The following ZBTB20 variants were observed in gnomAD, a reference collection of about 807,000 sequenced individuals.
ZBTB20 encodes the protein zinc finger and BTB domain containing 20.
ZBTB20 carries 9 observed loss-of-function variants against 56.9 expected under a neutral mutation model. The observed-to-expected ratio is 0.16, with a 90% CI of 0.10 to 0.28. ZBTB20 has a LOEUF of 0.28. Among genes scored for constraint, ZBTB20 ranks in the 10% least tolerant of loss-of-function variants. The pLI, the probability that ZBTB20 is intolerant of heterozygous loss-of-function variation, is 1.00. For missense variants in ZBTB20, 655 were observed against 1,003.0 expected (o/e 0.65, Z 4.69); for synonymous variants, 417 against 420.7 (o/e 0.99, Z 0.11).
chr3:114,716,162 G>A (rs565183153), intron 5 of ZBTB20, among the ~76,000 whole-genome samples: 2 of 152,194 alleles, frequency 1.3e-5, no homozygotes, highest in Admixed American at 6.5e-5. Context: ...CACGGGAAAA[G>A]CTCTGTTTTC....
chr3:114,479,080 A>G (rs988461129), intron 7 of ZBTB20, among the ~76,000 whole-genome samples: 4 of 142,558 alleles, frequency 2.8e-5, no homozygotes, highest in Non-Finnish European at 6.0e-5. Flanking sequence ...GGGGGGCCAC[A>G]GTAGGGTGTT....
intron 7 of ZBTB20, among the ~76,000 whole-genome samples, chr3:114,402,351 T>C (rs2086898430): frequency 6.6e-6 from 1 of 151,784 alleles, no homozygotes; most frequent in Non-Finnish European, 1.5e-5. Flanking sequence ...AACAAAGGAG[T>C]ATTGAATTGA....
rs946631624 is a variant in ZBTB20 at position 114,326,061 on chromosome 3, A to T, written c.*12944T>A. On this transcript the variant is annotated 3_prime_UTR_variant, in exon 12 of 12. Transcript: ENST00000675478. ...GGGGAAACAGGTGTTTCTCTACTTA[A>T]GACTTCATGAACACATACAGTCTTG... 6.6e-6 allele frequency: 1 copy of T among 152,112 alleles called. No individual in the cohort carries two copies. The highest frequency in any genetic ancestry group is 6.6e-5 in the Admixed American group (1 of 15,256). 9.4% of individuals were successfully genotyped at this position (152,112 alleles called of 1,614,324 possible). A position where few individuals can be genotyped will look rare whatever the true frequency, so the allele number is the denominator to read the frequency against.
chr3:114,396,020 C>T (rs1200138789), intron 7 of ZBTB20, among the ~76,000 whole-genome samples: 2 of 151,820 alleles, frequency 1.3e-5, no homozygotes, highest in African/African-American at 4.8e-5. Flanking sequence ...ACCCACACAC[C>T]CACACACACA....
At chr3:115,042,690 A>T (rs2081188189) in intron 2 of ZBTB20, among the ~76,000 whole-genome samples, 1 of 152,248 alleles carries the variant, frequency 6.6e-6, no homozygotes, top group African/African-American at 2.4e-5. Flanking sequence ...ACACTCATAC[A>T]AAATGCATTT....
At chr3:114,818,462 A>G (rs990889892) in intron 4 of ZBTB20, among the ~76,000 whole-genome samples, 9 of 152,094 alleles carry the variant, frequency 5.9e-5, no homozygotes, top group African/African-American at 1.7e-4. Context: ...AGGGCTATGC[A>G]TCTTAATCCC....
chr3:114,366,365 T>C (rs2108384241), intron 10 of ZBTB20, among the ~76,000 whole-genome samples: 1 of 152,210 alleles, frequency 6.6e-6, no homozygotes, highest in Admixed American at 6.5e-5. Context: ...AGAGTTCAGA[T>C]TGCAACTGCT....
At chr3:114,747,107 A>G (rs2067102543) in intron 5 of ZBTB20, among the ~76,000 whole-genome samples, 1 of 152,228 alleles carries the variant, frequency 6.6e-6, no homozygotes, top group Non-Finnish European at 1.5e-5. Flanking sequence ...TATATCAGAA[A>G]GTCAATTTTG....
chr3:114,350,208 C>T (rs2080545383), intron 11 of ZBTB20, 66 bp downstream of exon 11: 1 of 1,535,880 alleles, frequency 6.5e-7, no homozygotes, highest in Non-Finnish European at 8.8e-7. Flanking sequence ...TACCTGCTCT[C>T]TTACCTTGCC....
At chr3:114,896,012 G>A (rs181583850) in intron 4 of ZBTB20, among the ~76,000 whole-genome samples, 1 of 152,044 alleles carries the variant, frequency 6.6e-6, no homozygotes, top group African/African-American at 2.4e-5. Flanking sequence ...TGCATCACTG[G>A]GTTCCAAGAT....
chr3:114,688,525 A>T (rs558010605), intron 6 of ZBTB20: 22 of 152,306 alleles, frequency 1.4e-4, no homozygotes, highest in Admixed American at 1.3e-3. Context: ...TCTTGATATA[A>T]TCAGACATGA....
At chr3:114,926,529 A>T (rs557462413) in intron 3 of ZBTB20, among the ~76,000 whole-genome samples, 1 of 152,350 alleles carries the variant, frequency 6.6e-6, no homozygotes, top group African/African-American at 2.4e-5. Flanking sequence ...AAGGCTTTAA[A>T]AAAGTACCAA....
chr3:114,420,668 T>A (rs2089073430), intron 7 of ZBTB20, among the ~76,000 whole-genome samples: 1 of 152,128 alleles, frequency 6.6e-6, no homozygotes, highest in African/African-American at 2.4e-5. Flanking sequence ...CAGGGATTGC[T>A]CTGGGGCACA....
At chr3:115,108,712 A>C (rs2083792996) in intron 1 of ZBTB20, among the ~76,000 whole-genome samples, 1 of 152,172 alleles carries the variant, frequency 6.6e-6, no homozygotes, top group Non-Finnish European at 1.5e-5. Flanking sequence ...GTTTCCTAAT[A>C]AGACAGAAAA....
chr3:114,379,663 C>T (rs2084081636), intron 10 of ZBTB20, among the ~76,000 whole-genome samples: 2 of 152,134 alleles, frequency 1.3e-5, no homozygotes, highest in Non-Finnish European at 2.9e-5. Flanking sequence ...TGTGTGAAGT[C>T]TGGGTGGCTT....
chr3:115,004,232 T>C (rs1271534154), intron 2 of ZBTB20, among the ~76,000 whole-genome samples: 1 of 151,622 alleles, frequency 6.6e-6, no homozygotes, highest in Admixed American at 6.6e-5. Flanking sequence ...ACTTTCAAGG[T>C]TTCCTGCCTT....
intron 4 of ZBTB20, among the ~76,000 whole-genome samples, chr3:114,802,878 A>G (rs1261656604): frequency 2.0e-5 from 3 of 151,914 alleles, no homozygotes; most frequent in African/African-American, 2.4e-5. Context: ...ACTAGGCTGA[A>G]TATTTACATA....
intron 1 of ZBTB20, among the ~76,000 whole-genome samples, chr3:115,090,648 C>T (rs1217089113): frequency 6.6e-6 from 1 of 151,630 alleles, no homozygotes; most frequent in Non-Finnish European, 1.5e-5. Flanking sequence ...TTTTATTATC[C>T]ATTCCTTCTT....
At chr3:114,484,878 G>C (rs1210783767) in intron 7 of ZBTB20, among the ~76,000 whole-genome samples, 1 of 152,100 alleles carries the variant, frequency 6.6e-6, no homozygotes, top group Non-Finnish European at 1.5e-5. Flanking sequence ...AGTGCTTTGA[G>C]GCCCTGGACC....
Sources: allele counts gnomAD v4.1 joint callset (sites outside exome capture counted in the v4.1 genomes callset), GRCh38; gene constraint gnomAD v4.1.1; transcripts MANE v1.5; gene names NCBI Gene and HGNC (gene_info 2026-07-23, HGNC 2026-07-21).